NBPF9: variants seen among roughly 807,000 people sequenced by gnomAD.
The protein encoded by NBPF9 is NBPF family member NBPF9.
NBPF9 carries 91 observed loss-of-function variants against 97.8 expected under a neutral mutation model. That is an observed-to-expected ratio of 0.93 (90% CI 0.79 to 1.11). The LOEUF (loss-of-function observed/expected upper bound fraction) is 1.11, where lower values mean the gene tolerates loss of function less well. NBPF9 is among the 50% of genes least tolerant of loss of function. NBPF9 has a pLI of 0.00. For synonymous variants in NBPF9, 334 were observed against 359.5 expected, an observed-to-expected ratio of 0.93 and a Z score of 0.80; for missense variants, 992 against 939.5, an observed-to-expected ratio of 1.06 and a Z score of -0.73.
At chr1:149,073,349 A>C (rs1206521886) in intron 13 of NBPF9, among the ~76,000 whole-genome samples, 1 of 140,618 alleles carries the variant, frequency 7.1e-6, no homozygotes, top group Non-Finnish European at 1.5e-5. Context: ...AAGACGAAAG[A>C]AGAAAAGAAT....
At chr1:149,079,344 G>T (rs2080200550) in intron 8 of NBPF9, 123 bp from the exon 9 acceptor site, 5 of 1,072,240 alleles carry the variant, frequency 4.7e-6, no homozygotes, top group Non-Finnish European at 7.2e-6. Context: ...GTCAGCACAT[G>T]TTGAAAGGAA....
chr1:149,055,824 C>T lies in NBPF9; in HGVS notation c.3168G>A (p.Pro1056=), dbSNP rs587691437. ...AGTCAGGTAGTTCAAAGTACATTGA[C>T]GGAGTAGAATAACATCCATCCAGTG... The change falls in exon 30 of 30, where the codon CCG becomes CCA. Residue 1056 remains proline, a synonymous_variant. Coordinates refer to ENST00000584027, the Ensembl canonical transcript of NBPF9. 130 of 1,606,472 alleles carry T rather than the reference C, an allele frequency of 8.1e-5. 5 individuals are homozygous for T. The East Asian group carries it at 1.1e-3, about 13-fold the overall frequency.
intron 5 of NBPF9, among the ~76,000 whole-genome samples, chr1:149,087,218 TTATCG>T (rs1302093301): frequency 5.9e-5 from 9 of 151,842 alleles, no homozygotes; most frequent in East Asian, 3.9e-4. Context: ...AATGTGCTGT[TTATCG>T]TATCAGACTG....
chr1:149,070,662 A>C (rs1553652708), intron 16 of NBPF9, among the ~76,000 whole-genome samples: 9 of 151,890 alleles, frequency 5.9e-5, no homozygotes, highest in African/African-American at 4.8e-5. Flanking sequence ...ACTGAATCGA[A>C]GCTAGGAGGC....
At chr1:149,062,474 A>G (rs1187640104) in intron 21 of NBPF9, among the ~76,000 whole-genome samples, 12 of 144,634 alleles carry the variant, frequency 8.3e-5, no homozygotes, top group African/African-American at 3.1e-4. Context: ...GGAGAGAGAG[A>G]GAGAGGAGAA....
chr1:149,056,298 T>C (rs2078238452), intron 29 of NBPF9, among the ~76,000 whole-genome samples: 1 of 129,778 alleles, frequency 7.7e-6, no homozygotes, highest in Non-Finnish European at 1.6e-5. Flanking sequence ...AGTACAGCTT[T>C]TGAAGTATGG....
At chr1:149,069,745 G>A in intron 16 of NBPF9, 100 bp from the exon 17 acceptor site, 1 of 806,970 alleles carries the variant, frequency 1.2e-6, no homozygotes. Context: ...ACTATTCTCA[G>A]TGCAAGAATA....
intron 19 of NBPF9, among the ~76,000 whole-genome samples, chr1:149,064,033 C>CACACAT (rs2078847303): frequency 1.6e-5 from 2 of 125,970 alleles, no homozygotes; most frequent in African/African-American, 6.0e-5. Context: ...CACACACACA[C>CACACAT]ACACAGAGCG....
intron 3 of NBPF9, among the ~76,000 whole-genome samples, chr1:149,100,960 TA>T: frequency 6.6e-6 from 1 of 151,162 alleles, no homozygotes; most frequent in South Asian, 2.1e-4. Flanking sequence ...ATGCAAAAAC[TA>T]AAATAAAATT....
chr1:149,056,141 G>A (rs587621848), intron 29 of NBPF9, among the ~76,000 whole-genome samples: 566 of 147,324 alleles, frequency 3.8e-3, no homozygotes, highest in Middle Eastern at 6.8e-3. Context: ...GTGAGCTAGT[G>A]AATTGGCCAG....
chr1:149,080,530 C>T (rs183850386), intron 7 of NBPF9, among the ~76,000 whole-genome samples: 7 of 150,980 alleles, frequency 4.6e-5, no homozygotes, highest in East Asian at 2.0e-4. Flanking sequence ...CTTGTACAGT[C>T]GGGAAGGCCC....
intron 4 of NBPF9, among the ~76,000 whole-genome samples, chr1:149,095,434 A>AC (rs1199035914): frequency 6.9e-6 from 1 of 145,108 alleles, no homozygotes; most frequent in Non-Finnish European, 1.5e-5. Flanking sequence ...AACCAAAAGC[A>AC]CAATCTACTA....
At chr1:149,085,393 AGAGT>A (rs1488721744) in intron 5 of NBPF9, among the ~76,000 whole-genome samples, 1 of 152,192 alleles carries the variant, frequency 6.6e-6, no homozygotes, top group East Asian at 1.9e-4. Context: ...GAAATCTAGC[AGAGT>A]AAGTCCTCCA....
In NBPF9 at chr1:149,082,264, A is replaced by G. The variant is rs1198808861; in HGVS notation, c.-36+8T>C. 7 of 1,361,288 alleles carry G rather than the reference A, an allele frequency of 5.1e-6. No individual in the cohort carries two copies. Among genetic ancestry groups the G allele is most frequent in the Non-Finnish European group, 6.2e-6 (6 of 965,526 alleles). The allele number at this position is 1,361,288 out of a possible 1,614,324, so 84.3% of individuals were successfully genotyped here. Reference sequence around the variant, plus strand: ...GGACTGAGGGATGTCAGTAACTGAAATTCTTACCTTACTGTTGTGAAAAAT... The same window carrying G: ...GGACTGAGGGATGTCAGTAACTGAAGTTCTTACCTTACTGTTGTGAAAAAT... On this transcript the variant is annotated splice_region_variant and intron_variant, in intron 6 of 29. Transcript: ENST00000584027.
rs1483774101 is a variant in NBPF9 at position 149,059,365 on chromosome 1, G to T, written c.2586-268C>A. 23 of 447,666 alleles carry T rather than the reference G, an allele frequency of 5.1e-5. 8 individuals carry two copies. The highest frequency in any genetic ancestry group is 7.8e-5 in the Non-Finnish European group (19 of 242,348). The allele number at this position is 447,666 out of a possible 1,614,324, so 27.7% of individuals were successfully genotyped here. ...GTGACACACTGATGAAGGAGTAAAA[G>T]GACACTCTGAGTTCGTGCCCTCATG... On this transcript the variant is annotated intron_variant, in intron 25 of 29. Coordinates refer to ENST00000584027, the Ensembl canonical transcript of NBPF9.
chr1:149,071,017 G>A (rs782741989), exon 16 of NBPF9: 3 of 1,612,002 alleles, frequency 1.9e-6, no homozygotes, highest in Admixed American at 1.7e-5. Context: ...TTCCTCAAAT[G>A]TGATTTTGGT....
chr1:149,070,796 C>A (rs1575836161), intron 16 of NBPF9, 138 bp downstream of exon 16: 2 of 1,489,682 alleles, frequency 1.3e-6, no homozygotes, highest in East Asian at 4.6e-5. Flanking sequence ...CTGAGAAGGA[C>A]AAAAAACTCC....
At chr1:149,082,035 G>T in exon 7 of NBPF9, 3 of 1,610,440 alleles carry the variant, frequency 1.9e-6, no homozygotes, top group Non-Finnish European at 2.5e-6. Flanking sequence ...TGAGGTTTCC[G>T]AACTGCTGTT....
chr1:149,072,708 G>A lies in NBPF9; in HGVS notation c.1306+10C>T, dbSNP rs1553653226. On this transcript the variant is annotated intron_variant, in intron 14 of 29. Transcript: ENST00000584027. ...GGGTTTTGGGTCAACAGGGCCTATG[G>A]CCACCTTACCTGGGCTGAGCTTTTG... The A allele has an allele frequency of 1.2e-6, 2 of 1,611,690 alleles. No homozygotes were observed. Among genetic ancestry groups the A allele is most frequent in the Non-Finnish European group, 8.5e-7 (1 of 1,179,628 alleles).
Sources: allele counts gnomAD v4.1 joint callset (sites outside exome capture counted in the v4.1 genomes callset), GRCh38; gene constraint gnomAD v4.1.1; transcripts MANE v1.5; gene names NCBI Gene and HGNC (gene_info 2026-07-23, HGNC 2026-07-21).